Variants in BMP8B observed in about 807,000 individuals in gnomAD.
The protein encoded by BMP8B is bone morphogenetic protein 8 (osteogenic protein 2).
In BMP8B, 17 loss-of-function variants were observed where a neutral mutation model predicts 30.3. The observed-to-expected ratio is 0.56, with a 90% CI of 0.38 to 0.84. The LOEUF is 0.84. BMP8B is among the 40% of genes least tolerant of loss of function. BMP8B has a pLI of 0.00. For synonymous variants in BMP8B, 131 were observed against 214.7 expected, an observed-to-expected ratio of 0.61 and a Z score of 3.41; for missense variants, 253 against 494.6, an observed-to-expected ratio of 0.51 and a Z score of 4.63.
chr1:39,779,219 T>C (rs1650446913), intron 1 of BMP8B, among the ~76,000 whole-genome samples: 1 of 152,144 alleles, frequency 6.6e-6, no homozygotes, highest in African/African-American at 2.4e-5. Context: ...GACTTGGGGT[T>C]CCAGGGGAGG....
intron 6 of BMP8B, chr1:39,762,497 A>G (rs1649127167): frequency 8.4e-6 from 13 of 1,545,972 alleles, no homozygotes; most frequent in South Asian, 3.6e-5. Flanking sequence ...CCCATCAGAA[A>G]CCTGCTTTTG....
At chr1:39,778,962 C>T (rs1164363976) in intron 1 of BMP8B, among the ~76,000 whole-genome samples, 2 of 152,140 alleles carry the variant, frequency 1.3e-5, no homozygotes, top group Non-Finnish European at 2.9e-5. Flanking sequence ...GGCCTTCAGG[C>T]AACCCTGCAG....
At position 39,763,760 on chromosome 1, in the gene BMP8B, G is replaced by C. The variant is rs766708012; in HGVS notation, c.900C>G (p.Val300=). The change falls in exon 5 of 7, where the codon GTC becomes GTG. Residue 300 remains valine (V), a synonymous_variant. Coordinates refer to ENST00000372827, the MANE Select transcript of BMP8B (RefSeq NM_001720.5). Reference sequence around the variant, plus strand: ...TGACGTAGAGCTCGTGCCGACGGCAGACCTGCCGGCCGTGGGAGCCGTGGA... The same window carrying C: ...TGACGTAGAGCTCGTGCCGACGGCACACCTGCCGGCCGTGGGAGCCGTGGA... ...DDVHGSHGRQ[V]CRRHELYVSF... 51 of 1,604,358 alleles carry C rather than the reference G, an allele frequency of 3.2e-5. 3 individuals are homozygous for C. Among genetic ancestry groups the C allele is most frequent in the Non-Finnish European group, 3.7e-5 (44 of 1,175,202 alleles).
At chr1:39,763,235 A>C (rs1181066459) in intron 5 of BMP8B, 33 bp from the exon 6 acceptor site, 1 of 1,569,636 alleles carries the variant, frequency 6.4e-7, no homozygotes, top group African/African-American at 1.4e-5. Context: ...AGTCCCATCC[A>C]TGTGCCCCTC....
intron 1 of BMP8B, among the ~76,000 whole-genome samples, chr1:39,780,994 C>A (rs986678819): frequency 6.6e-6 from 1 of 152,200 alleles, no homozygotes; most frequent in Admixed American, 6.5e-5. Flanking sequence ...CCCTCACACC[C>A]ATGTTTGCCA....
chr1:39,786,114 C>A lies in BMP8B; in HGVS notation c.334+2038G>T, dbSNP rs533898499. On this transcript the variant is annotated intron_variant, in intron 1 of 6. Coordinates refer to ENST00000372827, the MANE Select transcript of BMP8B (RefSeq NM_001720.5). ...GCTGGCTATTTAACCTCTCTGAGCC[C>A]ATGAAACAGGGCTGGCAAAACAGTC... Among the ~76,000 whole-genome samples, 13 of 152,284 alleles carry A rather than the reference C, an allele frequency of 8.5e-5. 1 individual carries two copies. The South Asian group carries it at 2.3e-3, about 27-fold the overall frequency.
At chr1:39,775,168 G>A (rs1650135208) in intron 1 of BMP8B, 130 bp from the exon 2 acceptor site, 57 of 1,383,446 alleles carry the variant, frequency 4.1e-5, no homozygotes, top group Non-Finnish European at 5.6e-5. Context: ...GGCCTGGGTG[G>A]GGCCGGCTTC....
intron 1 of BMP8B, among the ~76,000 whole-genome samples, chr1:39,780,089 G>A (rs774021177): frequency 1.5e-3 from 229 of 152,292 alleles, no homozygotes; most frequent in Non-Finnish European, 2.9e-3. Flanking sequence ...CCGAGAGATG[G>A]AAGCCATGGT....
Position 39,769,613 on chromosome 1 carries a change from C to A in BMP8B, c.673+4695G>T, listed in dbSNP as rs964860444. Reference sequence around the variant, plus strand: ...GAAAGTAGGAGGCCAGTAGCAAACCCCTCCCAGAGCTGGGGACATGTATTC... The same window carrying A: ...GAAAGTAGGAGGCCAGTAGCAAACCACTCCCAGAGCTGGGGACATGTATTC... On this transcript the variant is annotated intron_variant, in intron 3 of 6. Coordinates refer to ENST00000372827, the MANE Select transcript of BMP8B (RefSeq NM_001720.5). 4 of 1,436,986 alleles carry A rather than the reference C, an allele frequency of 2.8e-6. No individual in the cohort carries two copies. In the East Asian group the frequency reaches 1.0e-4, roughly 37 times the overall value. 89.0% of individuals were successfully genotyped at this position (1,436,986 alleles called of 1,614,324 possible).
chr1:39,768,909 T>A lies in BMP8B; in HGVS notation c.674-4092A>T, dbSNP rs1649763438. Among the ~76,000 whole-genome samples the A allele has an allele frequency of 2.0e-5, 3 of 150,838 alleles. No individual in the cohort carries two copies. In the South Asian group the frequency reaches 6.4e-4, roughly 32 times the overall value. ...GCTAAGGTTAATTGGCCCAACTCAG[T>A]GGCTCATGTCTGTAATCCCAGCACT... On this transcript the variant is annotated intron_variant, in intron 3 of 6. Transcript: ENST00000372827.
Position 39,760,672 on chromosome 1 carries a change from C to T in BMP8B, c.1060-104G>A, listed in dbSNP as rs142417178. 4.9e-4 allele frequency: 689 copies of T among 1,406,094 alleles called. 2 individuals carry two copies. In the African/African-American group the frequency reaches 8.6e-3, roughly 17 times the overall value. 87.1% of individuals were successfully genotyped at this position (1,406,094 alleles called of 1,614,324 possible). On this transcript the variant is annotated intron_variant, in intron 6 of 6. Coordinates refer to ENST00000372827, the MANE Select transcript of BMP8B (RefSeq NM_001720.5). ...CACCTGCTCCCTGCCCTGGCCATCTCCAGGCCACATGGGAGCAGCACAATA... is the reference window on the plus strand; with the variant it reads ...CACCTGCTCCCTGCCCTGGCCATCTTCAGGCCACATGGGAGCAGCACAATA...
At position 39,760,418 on chromosome 1, in the gene BMP8B, C is replaced by A. The variant is rs917666228; in HGVS notation, c.*1G>T. The A allele has an allele frequency of 5.0e-6, 8 of 1,613,688 alleles. No homozygotes were observed. The Admixed American group carries it at 8.3e-5, about 17-fold the overall frequency. On this transcript the variant is annotated 3_prime_UTR_variant, in exon 7 of 7. Coordinates refer to ENST00000372827, the MANE Select transcript of BMP8B (RefSeq NM_001720.5). ...GCTGCAGCTGGGCCGGGCGGGTGGA[C>A]TCAGTGGCAGCCGCAGGCCTTGACC...
At chr1:39,768,486 A>G (rs2124450111) in intron 3 of BMP8B, among the ~76,000 whole-genome samples, 1 of 146,198 alleles carries the variant, frequency 6.8e-6, no homozygotes, top group South Asian at 2.2e-4. Flanking sequence ...AGGAGGAGAG[A>G]TGTGGGAGGA....
At chr1:39,783,154 T>C (rs1029113695) in intron 1 of BMP8B, among the ~76,000 whole-genome samples, 26 of 152,162 alleles carry the variant, frequency 1.7e-4, no homozygotes, top group African/African-American at 6.0e-4. Flanking sequence ...TCTTAAGCAG[T>C]AGACTCAGAA....
rs572747 is a variant in BMP8B, at chr1:39,785,757, C to A, written c.334+2395G>T. Reference sequence around the variant, plus strand: ...CTGAGGCAGGAGAAGGGCCACCAACCTCCAGGGGCCTCCAAACATGGAGAG... The same window carrying A: ...CTGAGGCAGGAGAAGGGCCACCAACATCCAGGGGCCTCCAAACATGGAGAG... On this transcript the variant is annotated intron_variant, in intron 1 of 6. Coordinates refer to ENST00000372827, the MANE Select transcript of BMP8B (RefSeq NM_001720.5). Among the ~76,000 whole-genome samples the A allele has an allele frequency of 9.0e-3, 1,374 of 152,320 alleles. 21 individuals carry two copies. Among genetic ancestry groups the A allele is most frequent in the African/African-American group, 0.032 (1,316 of 41,558 alleles).
intron 1 of BMP8B, among the ~76,000 whole-genome samples, chr1:39,779,064 CA>C (rs1324327082): frequency 6.6e-6 from 1 of 152,184 alleles, no homozygotes; most frequent in Non-Finnish European, 1.5e-5. Context: ...TGTGGATGTT[CA>C]CACTTGGGGC....
At chr1:39,777,384 A>C (rs77780275) in intron 1 of BMP8B, among the ~76,000 whole-genome samples, 10,907 of 152,264 alleles carry the variant, frequency 0.072, 444 homozygotes, top group Middle Eastern at 0.17. Flanking sequence ...AAAATAAACA[A>C]TCATGAATCA....
At chr1:39,782,281 C>A (rs1469064435) in intron 1 of BMP8B, among the ~76,000 whole-genome samples, 1 of 152,150 alleles carries the variant, frequency 6.6e-6, no homozygotes, top group African/African-American at 2.4e-5. Flanking sequence ...CCCACAGCAT[C>A]CACTACAAGG....
chr1:39,786,566 G>C (rs1009105186), intron 1 of BMP8B, among the ~76,000 whole-genome samples: 44 of 152,226 alleles, frequency 2.9e-4, no homozygotes, highest in African/African-American at 1.0e-3. Flanking sequence ...GATGCCAGGG[G>C]AGGTCGGATG....
Sources: gnomAD v4.1 joint callset for allele counts (sites outside exome capture counted in the v4.1 genomes callset) on GRCh38, gnomAD v4.1.1 for gene constraint, MANE v1.5 for transcripts, NCBI Gene and HGNC (gene_info 2026-07-23, HGNC 2026-07-21) for gene names.